AP3B1: variants seen among roughly 807,000 people sequenced by gnomAD.
AP3B1 encodes AP-3 complex subunit beta-1.
In AP3B1, 61 loss-of-function variants were observed where a neutral mutation model predicts 132.5. The observed-to-expected ratio is 0.46, with a 90% CI of 0.37 to 0.57. AP3B1 has a LOEUF of 0.57. Among genes scored for constraint, AP3B1 ranks in the 20% least tolerant of loss-of-function variants. AP3B1 has a pLI of 0.00. For missense variants in AP3B1, 1,120 were observed against 1,289.4 expected, an observed-to-expected ratio of 0.87 and a Z score of 2.01; for synonymous variants, 388 against 438.3, an observed-to-expected ratio of 0.89 and a Z score of 1.43.
intron 22 of AP3B1, among the ~76,000 whole-genome samples, chr5:78,070,904 A>G (rs944146493): frequency 6.6e-6 from 1 of 151,946 alleles, no homozygotes; most frequent in African/African-American, 2.4e-5. Flanking sequence ...AAAGTCAAGA[A>G]ACGACAGATG....
chr5:78,248,180 C>T (rs1747456481), intron 2 of AP3B1, among the ~76,000 whole-genome samples: 1 of 152,092 alleles, frequency 6.6e-6, no homozygotes, highest in Admixed American at 6.5e-5. Flanking sequence ...ACAGTTAACA[C>T]TGTACCAGAT....
At chr5:78,115,684 TTATCTC>T (rs1307281401) in intron 18 of AP3B1, among the ~76,000 whole-genome samples, 1 of 152,134 alleles carries the variant, frequency 6.6e-6, no homozygotes, top group Non-Finnish European at 1.5e-5. Context: ...AATTTTAGCT[TTATCTC>T]TATAGAGGTT....
In AP3B1 at chr5:78,291,913, T is replaced by C. The variant is rs117390185; in HGVS notation, c.128+2539A>G. 1.7e-3 allele frequency among the ~76,000 whole-genome samples: 257 copies of C among 152,342 alleles called. 1 individual carries two copies. The highest frequency in any genetic ancestry group is 0.012 in the East Asian group (61 of 5,186). On this transcript the variant is annotated intron_variant, in intron 1 of 26. Transcript: ENST00000255194. Reference sequence around the variant, plus strand: ...TAAAAATTACACATTAAGATTTTCATTGTAAAAGAACATGATGTGTACAAC... The same window carrying C: ...TAAAAATTACACATTAAGATTTTCACTGTAAAAGAACATGATGTGTACAAC...
At chr5:78,201,714 C>A (rs183615859) in intron 7 of AP3B1, among the ~76,000 whole-genome samples, 1 of 152,144 alleles carries the variant, frequency 6.6e-6, no homozygotes, top group Non-Finnish European at 1.5e-5. Context: ...GATTAACAGA[C>A]GAGTAAATGG....
intron 20 of AP3B1, among the ~76,000 whole-genome samples, chr5:78,108,959 T>A (rs1262335833): frequency 6.6e-6 from 1 of 152,168 alleles, no homozygotes; most frequent in Non-Finnish European, 1.5e-5. Context: ...CTGTCATTTT[T>A]AAAAAATACT....
chr5:78,105,644 A>G (rs1449033903), intron 20 of AP3B1, among the ~76,000 whole-genome samples: 1 of 152,246 alleles, frequency 6.6e-6, no homozygotes, highest in Non-Finnish European at 1.5e-5. Flanking sequence ...TGTTATTTGG[A>G]ACAAAAGAAT....
chr5:78,227,763 T>C lies in AP3B1; in HGVS notation c.376-231A>G, dbSNP rs576168875. On this transcript the variant is annotated intron_variant, in intron 4 of 26. Transcript: ENST00000255194. ...AAGTAATAGTTATAATTCTAGTTGG[T>C]CATTTATTACTAAATATGCTGGGTT... Among the ~76,000 whole-genome samples the C allele has an allele frequency of 2.0e-5, 3 of 152,330 alleles. No individual in the cohort carries two copies. In the East Asian group the frequency reaches 5.8e-4, roughly 29 times the overall value.
chr5:78,226,487 G>A (rs1386671110), intron 5 of AP3B1, among the ~76,000 whole-genome samples: 1 of 151,768 alleles, frequency 6.6e-6, no homozygotes, highest in East Asian at 1.9e-4. Context: ...ATCATCTCTG[G>A]TCCCTGTCCT....
chr5:78,131,049 TATAA>T (rs1272047165), intron 15 of AP3B1, among the ~76,000 whole-genome samples: 1 of 151,860 alleles, frequency 6.6e-6, no homozygotes, highest in Non-Finnish European at 1.5e-5. Context: ...ATTATAAGCT[TATAA>T]ATAAGTTTTA....
At chr5:78,132,325 A>G (rs896384205) in intron 15 of AP3B1, among the ~76,000 whole-genome samples, 12 of 152,346 alleles carry the variant, frequency 7.9e-5, no homozygotes, top group African/African-American at 2.9e-4. Flanking sequence ...TTTTTAATTT[A>G]CAACAGCATT....
At chr5:78,076,929 A>C (rs1206768623) in intron 22 of AP3B1, among the ~76,000 whole-genome samples, 1 of 152,114 alleles carries the variant, frequency 6.6e-6, no homozygotes, top group Non-Finnish European at 1.5e-5. Context: ...CATTTTGCTA[A>C]AATTGTAATC....
At chr5:78,073,289 T>C (rs527950043) in intron 22 of AP3B1, among the ~76,000 whole-genome samples, 77 of 152,254 alleles carry the variant, frequency 5.1e-4, no homozygotes, top group Middle Eastern at 3.2e-3. Flanking sequence ...TTCCATACCA[T>C]GCCCTGCCCT....
At chr5:78,272,643 GA>G (rs199604094) in intron 1 of AP3B1, among the ~76,000 whole-genome samples, 10 of 152,104 alleles carry the variant, frequency 6.6e-5, no homozygotes, top group East Asian at 1.9e-4. Context: ...TGATATGGGG[GA>G]AAAAAACAGA....
chr5:78,262,577 C>T (rs1172184739), intron 2 of AP3B1, among the ~76,000 whole-genome samples: 1 of 152,150 alleles, frequency 6.6e-6, no homozygotes, highest in African/African-American at 2.4e-5. Context: ...TATTGTGTTC[C>T]ATTGGTCTAT....
intron 24 of AP3B1, among the ~76,000 whole-genome samples, chr5:78,024,264 T>C (rs898584633): frequency 3.9e-5 from 6 of 152,210 alleles, no homozygotes; most frequent in African/African-American, 1.2e-4. Flanking sequence ...GAACTCAGTA[T>C]GAAATTTAAA....
At chr5:78,190,443 G>T (rs1349733065) in intron 7 of AP3B1, among the ~76,000 whole-genome samples, 1 of 152,178 alleles carries the variant, frequency 6.6e-6, no homozygotes, top group African/African-American at 2.4e-5. Context: ...GGCTTTCTTG[G>T]AGGACAAGAA....
At chr5:78,041,982 GGCT>G in intron 22 of AP3B1, 1 of 196,800 alleles carries the variant, frequency 5.1e-6, no homozygotes, top group Non-Finnish European at 1.1e-5. Flanking sequence ...CAGTGGGCTT[GGCT>G]GTATATACTA....
intron 11 of AP3B1, among the ~76,000 whole-genome samples, chr5:78,166,168 CACA>C (rs1743621782): frequency 1.0e-5 from 1 of 95,716 alleles, no homozygotes; most frequent in Non-Finnish European, 2.2e-5. Flanking sequence ...CACACACACA[CACA>C]CAAATCATAT....
At chr5:78,227,280 T>C in intron 5 of AP3B1, 92 bp downstream of exon 5, 1 of 1,235,602 alleles carries the variant, frequency 8.1e-7, no homozygotes, top group East Asian at 2.3e-5. Flanking sequence ...AAGAGCAGCC[T>C]ACCTAAAAGA....
Sources: gnomAD v4.1 joint callset for allele counts (sites outside exome capture counted in the v4.1 genomes callset) on GRCh38, gnomAD v4.1.1 for gene constraint, MANE v1.5 for transcripts, NCBI Gene and HGNC (gene_info 2026-07-23, HGNC 2026-07-21) for gene names.